CFAP161: variants seen among roughly 807,000 people sequenced by gnomAD.
CFAP161 encodes the protein cilia and flagella associated protein 161, also known as cilia- and flagella-associated protein 161.
A neutral mutation model predicts 29.0 loss-of-function variants in CFAP161; 25 were observed. That is an observed-to-expected ratio of 0.86 (90% CI 0.63 to 1.20). CFAP161 has a LOEUF of 1.20. Ranked by LOEUF, CFAP161 falls within the 50% of genes most tolerant of loss-of-function variation. CFAP161 has a pLI of 0.00. For synonymous variants in CFAP161, 116 were observed against 137.4 expected (o/e 0.84, Z 1.09); for missense variants, 367 against 371.9 (o/e 0.99, Z 0.11).
At chr15:81,142,832 G>T (rs1894934358) in intron 4 of CFAP161, among the ~76,000 whole-genome samples, 1 of 152,136 alleles carries the variant, frequency 6.6e-6, no homozygotes, top group Non-Finnish European at 1.5e-5. Flanking sequence ...GCAGGATGGG[G>T]GTTGTTTCCT....
chr15:81,111,044 T>C (rs577997280), intron 1 of CFAP161, among the ~76,000 whole-genome samples: 1 of 152,370 alleles, frequency 6.6e-6, no homozygotes, highest in East Asian at 1.9e-4. Flanking sequence ...AAAATGATTA[T>C]GTAGTTCTGT....
rs1346180330 is a variant in CFAP161 at position 81,147,859 on chromosome 15, C to T, written c.638C>T (p.Ala213Val). The T allele has an allele frequency of 6.3e-7, 1 of 1,599,810 alleles. No homozygotes were observed. The highest frequency in any genetic ancestry group is 8.5e-7 in the Non-Finnish European group (1 of 1,174,202). The part of the protein sequence containing the change: ...RLEYEGFPVP[A>V]NAKILINHCH... ...AACACATTTTCTTTATCTGTTAAGG[C>T]AAATGCTAAAATTCTCATCAATCAC... Residue 213 changes from alanine to valine, a missense_variant and splice_region_variant, in exon 6 of 7, where the codon GCA becomes GTA. Transcript: ENST00000286732.
At chr15:81,127,082 T>C (rs1191955828) in intron 1 of CFAP161, among the ~76,000 whole-genome samples, 1 of 152,242 alleles carries the variant, frequency 6.6e-6, no homozygotes, top group Non-Finnish European at 1.5e-5. Context: ...TGTAGCTGGC[T>C]GGAGTCCCAG....
chr15:81,136,455 C>T (rs1894810071), intron 2 of CFAP161, 61 bp from the exon 3 acceptor site: 9 of 1,486,784 alleles, frequency 6.1e-6, no homozygotes, highest in Non-Finnish European at 8.4e-6. Flanking sequence ...AGAAAATTGC[C>T]TTGGCAGTAA....
At chr15:81,104,885 C>T (rs1894342718) in intron 1 of CFAP161, among the ~76,000 whole-genome samples, 1 of 151,902 alleles carries the variant, frequency 6.6e-6, no homozygotes, top group African/African-American at 2.4e-5. Flanking sequence ...GAAATTGCCA[C>T]AAACTTGGTG....
In CFAP161 at chr15:81,136,756, G is replaced by GA. The variant is rs771385890; in HGVS notation, c.392+9dup. 2 of 1,600,868 alleles carry GA rather than the reference G, an allele frequency of 1.2e-6. No homozygotes were observed. Among genetic ancestry groups the GA allele is most frequent in the African/African-American group, 2.7e-5 (2 of 74,546 alleles). On this transcript the variant is annotated intron_variant, in intron 3 of 6. Transcript: ENST00000286732. ...CACTTTTATCATTTTGAGGTAAAGA[G>GA]ACTTTAATTTTCAGTTCATTTTCAT...
At chr15:81,136,267 ATG>A (rs890292659) in intron 2 of CFAP161, among the ~76,000 whole-genome samples, 2 of 152,212 alleles carry the variant, frequency 1.3e-5, no homozygotes, top group African/African-American at 4.8e-5. Context: ...TTTTCAATGA[ATG>A]TTGAATTTCT....
chr15:81,138,172 C>T (rs1894845095), intron 4 of CFAP161, 37 bp downstream of exon 4: 1 of 1,522,848 alleles, frequency 6.6e-7, no homozygotes. Context: ...TTGGATCAGT[C>T]ATTTCTGTTG....
Position 81,148,576 on chromosome 15 carries a change from A to G in CFAP161, c.*43A>G. On this transcript the variant is annotated 3_prime_UTR_variant, in exon 7 of 7. Coordinates refer to ENST00000286732, the MANE Select transcript of CFAP161 (RefSeq NM_173528.4). ...TGTTTTCCCTGGTCCCGCTCTCATC[A>G]AATGTAGCTTTAAAAGAAATTAACA... 1 of 1,543,880 alleles carries G rather than the reference A, an allele frequency of 6.5e-7. No individual in the cohort carries two copies. Among genetic ancestry groups the G allele is most frequent in the Non-Finnish European group, 8.8e-7 (1 of 1,135,486 alleles).
At chr15:81,105,175 C>CCCTTCCTCCCTTCCTT (rs1894354004) in intron 1 of CFAP161, among the ~76,000 whole-genome samples, 1 of 62,206 alleles carries the variant, frequency 1.6e-5, no homozygotes, top group African/African-American at 8.4e-5. Context: ...CTTCCTCCCT[C>CCCTTCCTCCCTTCCTT]CCTTCCTTTT....
intron 4 of CFAP161, among the ~76,000 whole-genome samples, chr15:81,140,660 G>A (rs1243125671): frequency 6.6e-6 from 1 of 151,974 alleles, no homozygotes; most frequent in Admixed American, 6.5e-5. Flanking sequence ...CCAGGCTCAA[G>A]CAATTTTCCT....
At chr15:81,125,734 A>AT (rs1894632294) in intron 1 of CFAP161, among the ~76,000 whole-genome samples, 1 of 152,014 alleles carries the variant, frequency 6.6e-6, no homozygotes, top group African/African-American at 2.4e-5. Context: ...TAAACACAGC[A>AT]TACAACATGA....
chr15:81,147,770 C>T, intron 5 of CFAP161, 88 bp from the exon 6 acceptor site: 2 of 818,268 alleles, frequency 2.4e-6, no homozygotes, highest in Non-Finnish European at 3.7e-6. Context: ...AGTATAATCC[C>T]AAATTTTTGC....
intron 1 of CFAP161, among the ~76,000 whole-genome samples, chr15:81,125,777 A>G (rs1348102035): frequency 6.6e-6 from 1 of 152,216 alleles, no homozygotes; most frequent in Non-Finnish European, 1.5e-5. Context: ...ATCTAAACAC[A>G]TATACACACT....
chr15:81,133,597 T>A (rs1023593742), upstream of CFAP161, among the ~76,000 whole-genome samples: 9 of 152,076 alleles, frequency 5.9e-5, no homozygotes, highest in African/African-American at 2.2e-4. Flanking sequence ...AATATTTTGT[T>A]TTATTAATGC....
Position 81,143,653 on chromosome 15 carries a change from C to A in CFAP161, c.478-9C>A. On this transcript the variant is annotated splice_polypyrimidine_tract_variant and intron_variant, in intron 4 of 6. Coordinates refer to ENST00000286732, the MANE Select transcript of CFAP161 (RefSeq NM_173528.4). ...CTGACTTAGTGCATCTGCTTGCTGT[C>A]ATTTTCAGTTGTATTTGTCAAGTGA... The A allele has an allele frequency of 1.2e-6, 2 of 1,607,140 alleles. No individual in the cohort carries two copies. The highest frequency in any genetic ancestry group is 2.2e-5 in the South Asian group (2 of 90,362).
chr15:81,120,931 G>T (rs770062609), intron 1 of CFAP161, among the ~76,000 whole-genome samples: 1 of 152,150 alleles, frequency 6.6e-6, no homozygotes, highest in Non-Finnish European at 1.5e-5. Context: ...AAAGAAACGG[G>T]TTTCAGAATT....
intron 5 of CFAP161, among the ~76,000 whole-genome samples, chr15:81,147,332 A>C (rs1271672468): frequency 6.6e-6 from 1 of 151,346 alleles, no homozygotes; most frequent in Non-Finnish European, 1.5e-5. Context: ...AGGTCCCCGG[A>C]CCCTCTTCGG....
chr15:81,147,937 G>A lies in CFAP161; in HGVS notation c.710+6G>A, dbSNP rs779495825. The A allele has an allele frequency of 1.3e-6, 2 of 1,599,632 alleles. No homozygotes were observed. Among genetic ancestry groups the A allele is most frequent in the East Asian group, 2.2e-5 (1 of 44,802 alleles). ...CACCGGCATCTTTTCTTAAGGTATT[G>A]TATTTCAGGGTACAACAAAATGCTG... On this transcript the variant is annotated splice_donor_region_variant and intron_variant, in intron 6 of 6. Coordinates refer to ENST00000286732, the MANE Select transcript of CFAP161 (RefSeq NM_173528.4).
Sources: gnomAD v4.1 joint callset for allele counts (sites outside exome capture counted in the v4.1 genomes callset) on GRCh38, gnomAD v4.1.1 for gene constraint, MANE v1.5 for transcripts, NCBI Gene and HGNC (gene_info 2026-07-23, HGNC 2026-07-21) for gene names.